The following ADCY2 variants were observed in gnomAD, a reference collection of about 807,000 sequenced individuals.
ADCY2 encodes adenylate cyclase 2.
In ADCY2, 31 loss-of-function variants were observed where a neutral mutation model predicts 125.2. That is an observed-to-expected ratio of 0.25 (90% CI 0.19 to 0.33). The LOEUF is 0.33. Among genes scored for constraint, ADCY2 ranks in the 10% least tolerant of loss-of-function variants. The pLI, the probability that ADCY2 is intolerant of heterozygous loss-of-function variation, is 1.00. For synonymous variants in ADCY2, 512 were observed against 548.4 expected (o/e 0.93, Z 0.93); for missense variants, 904 against 1,418.2 (o/e 0.64, Z 5.82).
chr5:7,537,679 C>G (rs1734859018), intron 3 of ADCY2, among the ~76,000 whole-genome samples: 1 of 152,228 alleles, frequency 6.6e-6, no homozygotes, highest in Admixed American at 6.5e-5. Context: ...TTCTAAAACT[C>G]AAGTCTGCCT....
chr5:7,804,315 C>T (rs1744692924), intron 21 of ADCY2, among the ~76,000 whole-genome samples: 2 of 152,226 alleles, frequency 1.3e-5, no homozygotes, highest in Admixed American at 1.3e-4. Context: ...CATCATAATT[C>T]ATCTTGGTTC....
At chr5:7,637,594 A>G (rs1404290089) in intron 4 of ADCY2, among the ~76,000 whole-genome samples, 1 of 152,210 alleles carries the variant, frequency 6.6e-6, no homozygotes, top group Non-Finnish European at 1.5e-5. Context: ...GAAACAAAGG[A>G]AAAGTTATTT....
At chr5:7,511,178 A>G (rs986693687) in intron 2 of ADCY2, among the ~76,000 whole-genome samples, 2 of 152,212 alleles carry the variant, frequency 1.3e-5, no homozygotes, top group African/African-American at 4.8e-5. Context: ...CCTTGTCCCC[A>G]TAGAGCCTGC....
chr5:7,516,098 A>G (rs1173138088), intron 2 of ADCY2, among the ~76,000 whole-genome samples: 6 of 150,828 alleles, frequency 4.0e-5, no homozygotes, highest in Non-Finnish European at 1.5e-5. Context: ...CTGAAGGAGC[A>G]TTACTGCAGC....
intron 3 of ADCY2, among the ~76,000 whole-genome samples, chr5:7,590,998 T>C (rs921112798): frequency 6.6e-6 from 1 of 152,174 alleles, no homozygotes; most frequent in Non-Finnish European, 1.5e-5. Context: ...GGTAATTCAG[T>C]TTTATCATGA....
intron 22 of ADCY2, among the ~76,000 whole-genome samples, chr5:7,811,055 C>G (rs1744927279): frequency 6.6e-6 from 1 of 152,120 alleles, no homozygotes; most frequent in Non-Finnish European, 1.5e-5. Context: ...AGCCATTACT[C>G]ACAGTTTCTA....
intron 12 of ADCY2, among the ~76,000 whole-genome samples, chr5:7,721,014 C>T (rs1741740532): frequency 1.3e-5 from 2 of 152,222 alleles, no homozygotes; most frequent in Admixed American, 1.3e-4. Context: ...GTCCCACCAA[C>T]AGTGTAAGAG....
At chr5:7,597,344 C>G (rs908695302) in intron 3 of ADCY2, among the ~76,000 whole-genome samples, 3 of 152,212 alleles carry the variant, frequency 2.0e-5, no homozygotes, top group Admixed American at 6.5e-5. Flanking sequence ...CTGCGCCCAG[C>G]TGGGTCCAGA....
intron 4 of ADCY2, among the ~76,000 whole-genome samples, chr5:7,631,336 C>A (rs534101597): frequency 6.6e-6 from 1 of 152,332 alleles, no homozygotes; most frequent in Non-Finnish European, 1.5e-5. Flanking sequence ...AGTCAGCCTA[C>A]CACTCTCCGT....
intron 5 of ADCY2, among the ~76,000 whole-genome samples, chr5:7,694,578 T>G (rs752172264): frequency 4.9e-4 from 75 of 152,220 alleles, no homozygotes; most frequent in Non-Finnish European, 9.8e-4. Context: ...AGCATAAGGT[T>G]TTCGGGAGTT....
chr5:7,743,091 T>C (rs1742487927), intron 14 of ADCY2, among the ~76,000 whole-genome samples: 1 of 152,204 alleles, frequency 6.6e-6, no homozygotes, highest in Non-Finnish European at 1.5e-5. Context: ...GGCATGTTTT[T>C]CACATGATCA....
At chr5:7,808,760 T>C (rs1744842431) in intron 22 of ADCY2, among the ~76,000 whole-genome samples, 1 of 152,136 alleles carries the variant, frequency 6.6e-6, no homozygotes, top group African/African-American at 2.4e-5. Flanking sequence ...TTTGTATCTA[T>C]CCTATTCATT....
At chr5:7,669,605 A>G (rs562447104) in intron 4 of ADCY2, among the ~76,000 whole-genome samples, 2 of 152,326 alleles carry the variant, frequency 1.3e-5, no homozygotes, top group South Asian at 2.1e-4. Context: ...TACAGAATAG[A>G]ATAGAAAATG....
chr5:7,777,827 A>G (rs1743790068), intron 18 of ADCY2, among the ~76,000 whole-genome samples: 2 of 152,272 alleles, frequency 1.3e-5, no homozygotes, highest in African/African-American at 2.4e-5. Context: ...TACACATTCA[A>G]GAGTATGAAA....
chr5:7,798,456 G>A (rs1233350059), intron 20 of ADCY2: 2 of 152,220 alleles, frequency 1.3e-5, no homozygotes, highest in African/African-American at 4.8e-5. Context: ...AGGAAGAGTG[G>A]AGGAGTGGTG....
At chr5:7,456,433 A>T (rs936109459) in intron 2 of ADCY2, among the ~76,000 whole-genome samples, 12 of 152,178 alleles carry the variant, frequency 7.9e-5, no homozygotes. Context: ...AGAGACTGCA[A>T]ATATATTTAA....
chr5:7,627,097 C>T (rs1305918076), intron 4 of ADCY2, among the ~76,000 whole-genome samples: 1 of 152,108 alleles, frequency 6.6e-6, no homozygotes, highest in Non-Finnish European at 1.5e-5. Flanking sequence ...CTCATCGCCC[C>T]CTCACCGTGC....
chr5:7,541,871 C>T (rs1335513734), intron 3 of ADCY2, among the ~76,000 whole-genome samples: 1 of 152,156 alleles, frequency 6.6e-6, no homozygotes, highest in African/African-American at 2.4e-5. Flanking sequence ...ATAATATAAA[C>T]TGAAGAGCCT....
intron 2 of ADCY2, among the ~76,000 whole-genome samples, chr5:7,432,482 C>T (rs550858170): frequency 3.9e-5 from 6 of 152,268 alleles, no homozygotes; most frequent in African/African-American, 1.2e-4. Context: ...TTCCTGCCAG[C>T]GCCCAAAAGC....
Sources: gnomAD v4.1 joint callset for allele counts (sites outside exome capture counted in the v4.1 genomes callset) on GRCh38, gnomAD v4.1.1 for gene constraint, MANE v1.5 for transcripts, NCBI Gene and HGNC (gene_info 2026-07-23, HGNC 2026-07-21) for gene names.